The following GGCX variants were observed in gnomAD, a reference collection of about 807,000 sequenced individuals.
The protein encoded by GGCX is gamma-glutamyl carboxylase, also known as vitamin K-dependent gamma-carboxylase.
GGCX carries 63 observed loss-of-function variants against 88.5 expected under a neutral mutation model. The ratio of observed to expected loss-of-function variants is 0.71; its 90% CI spans 0.58 to 0.88. The LOEUF is 0.88. Among genes scored for constraint, GGCX ranks in the 40% least tolerant of loss-of-function variants. The pLI is 0.00. For missense variants in GGCX, 805 were observed against 932.9 expected, an observed-to-expected ratio of 0.86 and a Z score of 1.79; for synonymous variants, 368 against 365.8, an observed-to-expected ratio of 1.01 and a Z score of -0.07.
At position 85,549,013 on chromosome 2, in the gene GGCX, AGAAG is replaced by A. The variant is rs1472014877; in HGVS notation, c.*917_*920del. 1 of 152,228 alleles carries A rather than the reference AGAAG, an allele frequency of 6.6e-6. No homozygotes were observed. The highest frequency in any genetic ancestry group is 6.5e-5 in the Admixed American group (1 of 15,284). 9.4% of individuals were successfully genotyped at this position (152,228 alleles called of 1,614,324 possible). On this transcript the variant is annotated 3_prime_UTR_variant, in exon 15 of 15. Coordinates refer to ENST00000233838, the MANE Select transcript of GGCX (RefSeq NM_000821.7). ...GGGTGTATATAGATAATAGGAACAA[AGAAG>A]GAACCAAAATTGCAATGAAGATAAA...
rs776379695 is a variant in GGCX, at chr2:85,550,662, A to G, written c.1977T>C (p.Phe659=). 6 of 1,613,896 alleles carry G rather than the reference A, an allele frequency of 3.7e-6. No homozygotes were observed. In the Admixed American group the frequency reaches 6.7e-5, roughly 18 times the overall value. Residue 659 remains phenylalanine, a synonymous_variant, in exon 14 of 15, where the codon TTT becomes TTC. Transcript: ENST00000233838. Reference sequence around the variant, plus strand: ...CCTGGAGCCTTTGTTGGCGTCTAAGAAAGGTCTGAACCAGAGGTGTTGGCT... The same window carrying G: ...CCTGGAGCCTTTGTTGGCGTCTAAGGAAGGTCTGAACCAGAGGTGTTGGCT... ...GPEPTPLVQT[F]LRRQQRLQEI... is the part of the protein sequence containing the mutation.
In GGCX at chr2:85,553,015, T is replaced by A; in HGVS notation, c.1211A>T (p.His404Leu). ...LYGYSWDMMV[H>L]SRSHQHVKIT... ...CTTCACGTGCTGGTGGGAGCGGGAG[T>A]GCACCATCATGTCCCAGGAATAGCC... The change falls in exon 9 of 15, where the codon CAC becomes CTC. Residue 404 changes from histidine (H) to leucine (L), a missense_variant. By Grantham distance (99) the His-to-Leu change is moderately conservative. This residue lies in a region of GGCX where 680 missense variants were observed against 763.7 expected (regional missense o/e 0.89). Coordinates refer to ENST00000233838, the MANE Select transcript of GGCX (RefSeq NM_000821.7). The A allele has an allele frequency of 6.2e-7, 1 of 1,613,732 alleles. No homozygotes were observed. The highest frequency in any genetic ancestry group is 1.3e-5 in the African/African-American group (1 of 74,920).
At position 85,556,211 on chromosome 2, in the gene GGCX, G is replaced by T; in HGVS notation, c.589C>A (p.Leu197Ile). Residue 197 changes from leucine to isoleucine, a missense_variant, in exon 5 of 15, where the codon CTT becomes ATT. Physicochemically the swap from Leu to Ile is conservative, Grantham distance 5. This residue lies in a region of GGCX where 680 missense variants were observed against 763.7 expected (regional missense o/e 0.89). Coordinates refer to ENST00000233838, the MANE Select transcript of GGCX (RefSeq NM_000821.7). ...CCACGGAGCACTGCATAGTTCCAAA[G>T]GGGCACGTGGGCATTCCTCCTATGG... ...NAHRRNAHVP[L>I]WNYAVLRGQI... 1 of 1,612,876 alleles carries T rather than the reference G, an allele frequency of 6.2e-7. No individual in the cohort carries two copies. The highest frequency in any genetic ancestry group is 2.2e-5 in the East Asian group (1 of 44,870).
chr2:85,553,865 T>C (rs1478451439), intron 7 of GGCX: 1 of 495,824 alleles, frequency 2.0e-6, no homozygotes, highest in Non-Finnish European at 3.7e-6. Flanking sequence ...CCTCCCAAAG[T>C]GCTAGGATTA....
chr2:85,561,199 C>A (rs946278569), intron 1 of GGCX, among the ~76,000 whole-genome samples, 187 bp downstream of exon 1: 1 of 152,224 alleles, frequency 6.6e-6, no homozygotes, highest in Non-Finnish European at 1.5e-5. Flanking sequence ...GTCCCCTAAC[C>A]GCAGTGTTCC....
rs1454093295 is a variant in GGCX at position 85,544,888 on chromosome 2, T to C, written c.*5046A>G. ...ATTGCTTATTTATTGTATTCTGGGG[T>C]ATGGCGTAAGTACAGAGAAGCCATC... On this transcript the variant is annotated 3_prime_UTR_variant, in exon 15 of 15. Coordinates refer to ENST00000233838, the MANE Select transcript of GGCX (RefSeq NM_000821.7). 1 of 152,604 alleles carries C rather than the reference T, an allele frequency of 6.6e-6. No homozygotes were observed. Among genetic ancestry groups the C allele is most frequent in the Non-Finnish European group, 1.5e-5 (1 of 68,038 alleles). The allele number at this position is 152,604 out of a possible 1,614,324, so 9.5% of individuals were successfully genotyped here.
Position 85,553,000 on chromosome 2 carries a change from T to C in GGCX, c.1226A>G (p.Gln409Arg), listed in dbSNP as rs780679780. The C allele has an allele frequency of 6.2e-7, 1 of 1,614,108 alleles. No individual in the cohort carries two copies. Among genetic ancestry groups the C allele is most frequent in the South Asian group, 1.1e-5 (1 of 91,088 alleles). ...WDMMVHSRSH[Q>R]HVKITYRDGR... ...ATCACGGTAGGTGATCTTCACGTGC[T>C]GGTGGGAGCGGGAGTGCACCATCAT... Residue 409 changes from glutamine to arginine, a missense_variant, in exon 9 of 15, where the codon CAG (glutamine) becomes CGG (arginine). Gln to Arg is a conservative substitution (Grantham distance 43). Around this residue, in one of 3 missense-constraint regions of GGCX, gnomAD observed 680 missense variants for 763.7 expected, o/e 0.89. Coordinates refer to ENST00000233838, the MANE Select transcript of GGCX (RefSeq NM_000821.7).
intron 7 of GGCX, 56 bp downstream of exon 7, chr2:85,554,087 T>TA: frequency 7.3e-7 from 1 of 1,376,352 alleles, no homozygotes; most frequent in Non-Finnish European, 1.0e-6. Flanking sequence ...TGCCTCTGGC[T>TA]AGTCCCTTCC....
At chr2:85,552,274 A>G in intron 10 of GGCX, 142 bp downstream of exon 10, 1 of 872,156 alleles carries the variant, frequency 1.1e-6, no homozygotes, top group Non-Finnish European at 1.9e-6. Flanking sequence ...GCAACCAGCT[A>G]TGCCCACAAC....
At position 85,548,495 on chromosome 2, in the gene GGCX, A is replaced by C. The variant is rs918206509; in HGVS notation, c.*1439T>G. The C allele has an allele frequency of 1.3e-5, 2 of 152,384 alleles. No individual in the cohort carries two copies. Among genetic ancestry groups the C allele is most frequent in the African/African-American group, 4.8e-5 (2 of 41,574 alleles). 9.4% of individuals were successfully genotyped at this position (152,384 alleles called of 1,614,324 possible). A position where few individuals can be genotyped will look rare whatever the true frequency, so the allele number is the denominator to read the frequency against. ...CATCGTTGGAAATCCTGGAGTAGACACAATCATCTGAAGTATGTATACTGA... is the reference window on the plus strand; with the variant it reads ...CATCGTTGGAAATCCTGGAGTAGACCCAATCATCTGAAGTATGTATACTGA... On this transcript the variant is annotated 3_prime_UTR_variant, in exon 15 of 15. Transcript: ENST00000233838.
chr2:85,547,011 T>C lies in GGCX; in HGVS notation c.*2923A>G, dbSNP rs1302806817. The C allele has an allele frequency of 6.6e-6, 1 of 152,196 alleles. No individual in the cohort carries two copies. Among genetic ancestry groups the C allele is most frequent in the Non-Finnish European group, 1.5e-5 (1 of 68,046 alleles). 9.4% of individuals were successfully genotyped at this position (152,196 alleles called of 1,614,324 possible). A position where few individuals can be genotyped will look rare whatever the true frequency, so the allele number is the denominator to read the frequency against. On this transcript the variant is annotated 3_prime_UTR_variant, in exon 15 of 15. Coordinates refer to ENST00000233838, the MANE Select transcript of GGCX (RefSeq NM_000821.7). ...CTAAGTAAACAAAGATTCCCCAACC[T>C]TGAGGGAGCTTGTGGACCAAGGGGA...
Position 85,554,231 on chromosome 2 carries a change from A to G in GGCX, c.801T>C (p.Gly267=), listed in dbSNP as rs1398539821. The change falls in exon 7 of 15, where the codon GGT becomes GGC. Residue 267 remains glycine (G), a synonymous_variant. Coordinates refer to ENST00000233838, the MANE Select transcript of GGCX (RefSeq NM_000821.7). The part of the protein sequence containing the change: ...WGGLLLDLSA[G]FLLFFDVSRS... ...TTGAGACATCAAAAAAGAGCAGGAA[A>G]CCAGCTGAGAGGTCAAGCAGCAGCC... 4 of 1,613,196 alleles carry G rather than the reference A, an allele frequency of 2.5e-6. No homozygotes were observed. In the African/African-American group the frequency reaches 5.3e-5, roughly 22 times the overall value.
rs1692409755 is a variant in GGCX, at chr2:85,560,834, A to T, written c.195T>A (p.Ala65=). The stretch of plus-strand genomic sequence containing the variant: ...ACTCACCAAAAAGAAAACGAAAGAC[A>T]GCTAAGCTTGCAGGGTCCGTTGGTC... ...LNRPTDPASL[A]VFRFLFGFLM... is the part of the protein sequence containing the mutation. Residue 65 remains alanine, a synonymous_variant, in exon 2 of 15, where the codon GCT becomes GCA. Coordinates refer to ENST00000233838, the MANE Select transcript of GGCX (RefSeq NM_000821.7). The T allele has an allele frequency of 6.2e-7, 1 of 1,614,004 alleles. No homozygotes were observed. Among genetic ancestry groups the T allele is most frequent in the Non-Finnish European group, 8.5e-7 (1 of 1,179,968 alleles).
Position 85,550,994 on chromosome 2 carries a change from T to C in GGCX, c.1819A>G (p.Thr607Ala). ...AGGTCTTGCTCCAGTGCAAGCTCTG[T>C]AGTGTTGACATAGACGTACATGTAG... ...SCYMYVYVNT[T>A]ELALEQDLAY... Residue 607 changes from threonine to alanine, a missense_variant, in exon 13 of 15, where the codon ACA becomes GCA. Around this residue, in one of 3 missense-constraint regions of GGCX, gnomAD observed 680 missense variants for 763.7 expected, o/e 0.89. Transcript: ENST00000233838. 1 of 1,613,646 alleles carries C rather than the reference T, an allele frequency of 6.2e-7. No homozygotes were observed. The highest frequency in any genetic ancestry group is 8.5e-7 in the Non-Finnish European group (1 of 1,179,524).
chr2:85,550,837 AG>A, intron 13 of GGCX, 87 bp from the exon 14 acceptor site: 1 of 1,585,770 alleles, frequency 6.3e-7, no homozygotes, highest in Non-Finnish European at 8.7e-7. Flanking sequence ...AGAGACTTCA[AG>A]TTCATTCTTG....
In GGCX at chr2:85,560,992, T is replaced by C; in HGVS notation, c.44-7A>G. ...TTGTCTTTCTGTACTTTATCTGCAATCAATAAATGGAGAAAATATGTGTGC... is the reference window on the plus strand; with the variant it reads ...TTGTCTTTCTGTACTTTATCTGCAACCAATAAATGGAGAAAATATGTGTGC... On this transcript the variant is annotated splice_region_variant and splice_polypyrimidine_tract_variant and intron_variant, in intron 1 of 14. Transcript: ENST00000233838. 3 of 1,610,412 alleles carry C rather than the reference T, an allele frequency of 1.9e-6. No individual in the cohort carries two copies. Among genetic ancestry groups the C allele is most frequent in the Non-Finnish European group, 2.5e-6 (3 of 1,176,606 alleles).
chr2:85,552,046 CTCCCTT>C (rs1691982759), intron 10 of GGCX, 65 bp from the exon 11 acceptor site: 1 of 1,193,476 alleles, frequency 8.4e-7, no homozygotes, highest in Non-Finnish European at 1.3e-6. Flanking sequence ...TTCCAGTTCT[CTCCCTT>C]TCATCATCAT....
chr2:85,554,600 G>GA (rs1450396760), intron 6 of GGCX: 1 of 453,442 alleles, frequency 2.2e-6, no homozygotes, highest in Non-Finnish European at 4.1e-6. Flanking sequence ...GAAGTAGCTG[G>GA]AACCACAGGC....
rs147318802 is a variant in GGCX, at chr2:85,545,999, T to C, written c.*3935A>G. On this transcript the variant is annotated 3_prime_UTR_variant, in exon 15 of 15. Coordinates refer to ENST00000233838, the MANE Select transcript of GGCX (RefSeq NM_000821.7). The stretch of plus-strand genomic sequence containing the variant: ...ACTGCTCTTGAACCTAGGAGCTACA[T>C]GCATAGAGAATAGCCACTTGGATTA... 1 of 152,372 alleles carries C rather than the reference T, an allele frequency of 6.6e-6. No homozygotes were observed. Among genetic ancestry groups the C allele is most frequent in the East Asian group, 1.9e-4 (1 of 5,188 alleles). The allele number at this position is 152,372 out of a possible 1,614,324, so 9.4% of individuals were successfully genotyped here. A position where few individuals can be genotyped will look rare whatever the true frequency, so the allele number is the denominator to read the frequency against.
Sources: gnomAD v4.1 joint callset for allele counts (sites outside exome capture counted in the v4.1 genomes callset) on GRCh38, gnomAD v4.1.1 for gene constraint, gnomAD v4.1.1 regional missense constraint, MANE v1.5 for transcripts, NCBI Gene and HGNC (gene_info 2026-07-23, HGNC 2026-07-21) for gene names.